The following CMSS1 variants were observed in gnomAD, a reference collection of about 807,000 sequenced individuals.
The protein encoded by CMSS1 is cms1 ribosomal small subunit homolog.
CMSS1 carries 33 observed loss-of-function variants against 43.5 expected under a neutral mutation model. The observed-to-expected ratio is 0.76, with a 90% CI of 0.57 to 1.01. The LOEUF (loss-of-function observed/expected upper bound fraction) is 1.01. CMSS1 is among the 50% of genes least tolerant of loss of function. The pLI, the probability that CMSS1 is intolerant of heterozygous loss-of-function variation, is 0.00. For missense variants in CMSS1, 313 were observed against 326.4 expected (o/e 0.96, Z 0.32); for synonymous variants, 115 against 117.2 (o/e 0.98, Z 0.12).
intron 2 of CMSS1, among the ~76,000 whole-genome samples, chr3:100,155,564 A>G (rs1436682107): frequency 1.3e-5 from 2 of 152,076 alleles, no homozygotes; most frequent in Non-Finnish European, 2.9e-5. Flanking sequence ...AGACCTCTTA[A>G]CTGTCATCCT....
intron 1 of CMSS1, among the ~76,000 whole-genome samples, chr3:100,024,889 C>T (rs1183306036): frequency 3.9e-5 from 6 of 152,170 alleles, no homozygotes; most frequent in South Asian, 2.1e-4. Context: ...GACTTTCAAG[C>T]TATCAGGGCA....
intron 1 of CMSS1, among the ~76,000 whole-genome samples, chr3:100,096,159 G>A (rs1156909445): frequency 6.6e-6 from 1 of 152,186 alleles, no homozygotes; most frequent in African/African-American, 2.4e-5. Flanking sequence ...TACACTGTTG[G>A]TGGGAATGAA....
At chr3:99,933,281 G>A (rs752757333) in intron 1 of CMSS1, among the ~76,000 whole-genome samples, 1 of 152,094 alleles carries the variant, frequency 6.6e-6, no homozygotes. Flanking sequence ...TTACAAATAC[G>A]GTATAGATGA....
intron 1 of CMSS1, among the ~76,000 whole-genome samples, chr3:100,043,356 C>T (rs953878582): frequency 6.6e-6 from 1 of 152,192 alleles, no homozygotes; most frequent in African/African-American, 2.4e-5. Flanking sequence ...TTCTTTTCAG[C>T]TATATTAAAT....
intron 1 of CMSS1, chr3:99,848,227 A>G: frequency 6.3e-7 from 1 of 1,582,924 alleles, no homozygotes; most frequent in South Asian, 1.2e-5. Flanking sequence ...AAAAGGATTG[A>G]GTTCCTTGCA....
intron 1 of CMSS1, among the ~76,000 whole-genome samples, chr3:99,939,387 C>T (rs891894928): frequency 1.3e-5 from 2 of 152,140 alleles, no homozygotes; most frequent in South Asian, 2.1e-4. Context: ...GTCCTTTAAC[C>T]GAAAGGACTC....
At chr3:99,847,950 G>A in intron 1 of CMSS1, 4 of 1,016,028 alleles carry the variant, frequency 3.9e-6, no homozygotes, top group Non-Finnish European at 4.7e-6. Context: ...ATTATTTACT[G>A]TTTTATAATG....
chr3:99,875,243 T>C (rs993806538), intron 1 of CMSS1, among the ~76,000 whole-genome samples: 2 of 152,216 alleles, frequency 1.3e-5, no homozygotes, highest in African/African-American at 4.8e-5. Flanking sequence ...TCAGTTATCA[T>C]ACTGTAAGAG....
chr3:99,956,155 A>C (rs974129789), intron 1 of CMSS1, among the ~76,000 whole-genome samples: 19 of 152,024 alleles, frequency 1.2e-4, no homozygotes, highest in Admixed American at 2.6e-4. Context: ...CCAAAGCTTT[A>C]ACACTCTTTT....
At chr3:100,006,914 G>T (rs967502232) in intron 1 of CMSS1, among the ~76,000 whole-genome samples, 6 of 152,166 alleles carry the variant, frequency 3.9e-5, no homozygotes, top group African/African-American at 1.4e-4. Context: ...CATTGAGAAG[G>T]ATAAAAAATA....
At chr3:100,037,280 T>C (rs550921262) in intron 1 of CMSS1, among the ~76,000 whole-genome samples, 2 of 152,264 alleles carry the variant, frequency 1.3e-5, no homozygotes, top group East Asian at 3.9e-4. Context: ...CTCAGATGGT[T>C]TAGAAAAACA....
intron 1 of CMSS1, among the ~76,000 whole-genome samples, chr3:99,909,085 A>G (rs1706711968): frequency 6.6e-6 from 1 of 152,226 alleles, no homozygotes; most frequent in Non-Finnish European, 1.5e-5. Flanking sequence ...TGGAAAATGT[A>G]AGAACCAAAT....
intron 1 of CMSS1, among the ~76,000 whole-genome samples, chr3:99,836,962 G>A (rs1405094235): frequency 1.3e-5 from 2 of 152,182 alleles, no homozygotes; most frequent in African/African-American, 2.4e-5. Context: ...CTTCCTTATT[G>A]GCAGTCTGAG....
chr3:100,087,832 C>CTTTTTTT (rs755041519), intron 1 of CMSS1, among the ~76,000 whole-genome samples: 1 of 114,122 alleles, frequency 8.8e-6, no homozygotes, highest in Non-Finnish European at 1.8e-5. Flanking sequence ...ATTGTTTCAA[C>CTTTTTTT]TTTTTTTTTT....
At chr3:99,933,240 A>C (rs1250677284) in intron 1 of CMSS1, among the ~76,000 whole-genome samples, 1 of 152,206 alleles carries the variant, frequency 6.6e-6, no homozygotes, top group African/African-American at 2.4e-5. Context: ...CCTTGTCCGA[A>C]AAATGCCTAT....
chr3:100,054,731 C>T (rs1439471728), intron 1 of CMSS1, among the ~76,000 whole-genome samples: 1 of 152,060 alleles, frequency 6.6e-6, no homozygotes, highest in East Asian at 1.9e-4. Context: ...TTAGCAGTTC[C>T]CACCAATACC....
intron 1 of CMSS1, among the ~76,000 whole-genome samples, chr3:99,881,707 AT>A (rs1705735101): frequency 6.6e-6 from 1 of 151,964 alleles, no homozygotes; most frequent in African/African-American, 2.4e-5. Flanking sequence ...TAATTTTTGT[AT>A]TTTTAGTAAA....
chr3:99,936,922 T>C (rs944448813), intron 1 of CMSS1, among the ~76,000 whole-genome samples: 3 of 152,178 alleles, frequency 2.0e-5, no homozygotes, highest in African/African-American at 7.2e-5. Flanking sequence ...TTGTTTTAAC[T>C]AGCTTATTTT....
At chr3:99,903,360 T>C (rs900343197) in intron 1 of CMSS1, among the ~76,000 whole-genome samples, 8 of 152,002 alleles carry the variant, frequency 5.3e-5, no homozygotes, top group African/African-American at 1.9e-4. Flanking sequence ...CAAGCAATTC[T>C]CCTGCCTCAG....
Sources: gnomAD v4.1 joint callset for allele counts (sites outside exome capture counted in the v4.1 genomes callset) on GRCh38, gnomAD v4.1.1 for gene constraint, MANE v1.5 for transcripts, NCBI Gene and HGNC (gene_info 2026-07-23, HGNC 2026-07-21) for gene names.